Variants in USP30 observed in about 807,000 individuals in gnomAD.
The protein encoded by USP30 is ubiquitin carboxyl-terminal hydrolase 30.
In USP30, 41 loss-of-function variants were observed where a neutral mutation model predicts 68.2. The ratio of observed to expected loss-of-function variants is 0.60; its 90% CI spans 0.47 to 0.78. USP30 has a LOEUF of 0.78. Ranked by LOEUF, USP30 falls within the 30% of genes least tolerant of loss-of-function variation. USP30 has a pLI of 0.00. For missense variants in USP30, 522 were observed against 649.4 expected, an observed-to-expected ratio of 0.80 and a Z score of 2.13; for synonymous variants, 229 against 253.7, an observed-to-expected ratio of 0.90 and a Z score of 0.93.
chr12:109,075,125 T>A (rs1430271864), intron 7 of USP30, among the ~76,000 whole-genome samples: 1 of 152,250 alleles, frequency 6.6e-6, no homozygotes, highest in East Asian at 1.9e-4. Context: ...ACATTCCATA[T>A]CTTGGCTATT....
intron 7 of USP30, among the ~76,000 whole-genome samples, chr12:109,080,366 C>G (rs2135815321): frequency 1.3e-5 from 2 of 152,312 alleles, no homozygotes; most frequent in East Asian, 3.9e-4. Flanking sequence ...GTTTTTCCAA[C>G]AGTTGACTTC....
chr12:109,082,190 T>C (rs183835593), intron 9 of USP30, among the ~76,000 whole-genome samples, 171 bp downstream of exon 9: 2 of 152,352 alleles, frequency 1.3e-5, no homozygotes, highest in East Asian at 3.9e-4. Context: ...CAAATCTCTT[T>C]CCCAGATGAG....
chr12:109,070,479 C>T lies in USP30; in HGVS notation c.481-1133C>T, dbSNP rs2041404251. ...TAAGCTGGATATGTTCAAGGAACAG[C>T]AAAGAGGCCAGGGGCCGGGACATTG... On this transcript the variant is annotated intron_variant, in intron 4 of 12. Transcript: ENST00000257548. The surrounding 1 kb of genome is among the most constrained non-coding windows in gnomAD (Gnocchi z 4.0). 6.6e-6 allele frequency among the ~76,000 whole-genome samples: 1 copy of T among 152,102 alleles called. No individual in the cohort carries two copies. The highest frequency in any genetic ancestry group is 6.5e-5 in the Admixed American group (1 of 15,272).
In USP30 at chr12:109,030,485, T is replaced by A. The variant is rs375914739; in HGVS notation, c.-136+2929T>A. On this transcript the variant is annotated intron_variant, in intron 3 of 15. Transcript: ENST00000392784. ...TCAAGGTGTACAAAGTTTCTTTCAT[T>A]TATACAAGATGAATAAATTCTGGAG... 2.8e-4 allele frequency among the ~76,000 whole-genome samples: 42 copies of A among 152,320 alleles called. No homozygotes were observed. The South Asian group carries it at 8.1e-3, about 29-fold the overall frequency.
In USP30 at chr12:109,085,789, A is replaced by G. The variant is rs78909524; in HGVS notation, c.1412A>G (p.Asn471Ser). 3.2e-4 allele frequency: 520 copies of G among 1,614,162 alleles called. 4 individuals are homozygous for G. In the East Asian group the frequency reaches 6.5e-3, roughly 20 times the overall value. Reference protein sequence around the residue: ...PSARNPLSTSNQWLWVSDDTV... With the variant: ...PSARNPLSTSSQWLWVSDDTV... ...GCCAGGAACCCTCTCTCAACTAGCA[A>G]TCAGTGGCTGTGGGTCTCCGATGAC... is the stretch of plus-strand genomic sequence containing the variant. The change falls in exon 13 of 13, where the codon AAT becomes AGT. Residue 471 changes from asparagine to serine, a missense_variant. Physicochemically the swap from Asn to Ser is conservative, Grantham distance 46. Transcript: ENST00000257548.
At chr12:109,060,743 C>G (rs1340117946) in intron 3 of USP30, among the ~76,000 whole-genome samples, 1 of 152,112 alleles carries the variant, frequency 6.6e-6, no homozygotes, top group Admixed American at 6.6e-5. Flanking sequence ...CAACCTCTGC[C>G]TCCCAGGTTC....
intron 1 of USP30, among the ~76,000 whole-genome samples, chr12:109,024,047 C>G (rs1406276020): frequency 6.6e-6 from 1 of 152,154 alleles, no homozygotes; most frequent in East Asian, 1.9e-4. Flanking sequence ...CCTGGGGACT[C>G]TCTTCCCAGC....
intron 7 of USP30, among the ~76,000 whole-genome samples, chr12:109,079,769 A>G (rs1016145167): frequency 6.6e-6 from 1 of 152,052 alleles, no homozygotes; most frequent in Admixed American, 6.5e-5. Context: ...TCTTTTTAAT[A>G]GTTTCCATTG....
At chr12:109,081,623 G>GCACACACACACACA in intron 8 of USP30, 2 of 499,554 alleles carry the variant, frequency 4.0e-6, no homozygotes, top group East Asian at 7.0e-5. Context: ...ACGCATGCGC[G>GCACACACACACACA]CACACACACA....
chr12:109,031,521 C>G (rs1363488123), intron 3 of USP30, among the ~76,000 whole-genome samples: 1 of 152,164 alleles, frequency 6.6e-6, no homozygotes, highest in Non-Finnish European at 1.5e-5. Flanking sequence ...GAATTAAAAA[C>G]AGGGACTCAA....
intron 7 of USP30, among the ~76,000 whole-genome samples, chr12:109,079,046 G>A (rs1279961608): frequency 2.6e-5 from 4 of 151,988 alleles, no homozygotes; most frequent in African/African-American, 4.8e-5. Context: ...TTCATGCTGC[G>A]CATAGATGTG....
intron 3 of USP30, among the ~76,000 whole-genome samples, chr12:109,064,813 A>G (rs892282335): frequency 2.0e-5 from 3 of 151,500 alleles, no homozygotes; most frequent in African/African-American, 4.9e-5. Flanking sequence ...ATTGCCCCAT[A>G]GTATTTTAGA....
intron 1 of USP30, 44 bp downstream of exon 1, chr12:109,052,805 G>T (rs765393610): frequency 2.1e-6 from 3 of 1,413,824 alleles, no homozygotes; most frequent in Admixed American, 6.0e-5. Context: ...CCGGGACCAG[G>T]GTCCCCAGCT....
Position 109,056,782 on chromosome 12 carries a change from C to T in USP30, c.184C>T (p.Arg62Cys), listed in dbSNP as rs755482392. The change falls in exon 2 of 13, where the codon CGT becomes TGT. Residue 62 changes from arginine to cysteine, a missense_variant. Transcript: ENST00000257548. Reference sequence around the variant, plus strand: ...GGGTCCCATTACAGAAAGAAAGAAGCGTAGAAAAGGTAAGAATGAGAACAC... The same window carrying T: ...GGGTCCCATTACAGAAAGAAAGAAGTGTAGAAAAGGTAAGAATGAGAACAC... ...IWGPITERKK[R>C]RKGLVPGLVN... 2.5e-6 allele frequency: 4 copies of T among 1,607,868 alleles called. No homozygotes were observed. Among genetic ancestry groups the T allele is most frequent in the Non-Finnish European group, 3.4e-6 (4 of 1,177,680 alleles).
chr12:109,071,490 CT>C lies in USP30; in HGVS notation c.481-120del. On this transcript the variant is annotated intron_variant, in intron 4 of 12. Coordinates refer to ENST00000257548, the MANE Select transcript of USP30 (RefSeq NM_032663.5). ...AACTGTTTTCTTTAATGAGCTGGGCCTTGAGAAGGTAGAAAGCAAATTCTAC... is the reference window on the plus strand; with the variant it reads ...AACTGTTTTCTTTAATGAGCTGGGCCTGAGAAGGTAGAAAGCAAATTCTAC... 5 of 730,308 alleles carry C rather than the reference CT, an allele frequency of 6.8e-6. No individual in the cohort carries two copies. The East Asian group carries it at 1.3e-4, about 18-fold the overall frequency. 45.2% of individuals were successfully genotyped at this position (730,308 alleles called of 1,614,324 possible).
intron 3 of USP30, among the ~76,000 whole-genome samples, chr12:109,041,512 G>T (rs1182758914): frequency 6.6e-6 from 1 of 152,026 alleles, no homozygotes; most frequent in Non-Finnish European, 1.5e-5. Context: ...GTGCGTGCCT[G>T]TTGTCCCACC....
chr12:109,067,763 T>A, intron 4 of USP30, 136 bp downstream of exon 4: 1 of 687,144 alleles, frequency 1.5e-6, no homozygotes, highest in Non-Finnish European at 2.4e-6. Flanking sequence ...GGGACCAGAG[T>A]ACCAACTTTG....
intron 3 of USP30, among the ~76,000 whole-genome samples, chr12:109,040,015 A>G (rs1017441989): frequency 6.6e-6 from 1 of 152,236 alleles, no homozygotes; most frequent in Non-Finnish European, 1.5e-5. Flanking sequence ...AATATTTATC[A>G]CATTTTAATT....
chr12:109,083,516 C>T (rs931316822), intron 11 of USP30, among the ~76,000 whole-genome samples: 2 of 152,072 alleles, frequency 1.3e-5, no homozygotes, highest in African/African-American at 4.8e-5. Context: ...TCCATTACTG[C>T]CCTCAGCTGA....
Sources: allele counts gnomAD v4.1 joint callset (sites outside exome capture counted in the v4.1 genomes callset), GRCh38; gene constraint gnomAD v4.1.1; non-coding constraint Gnocchi (gnomAD v3.1); transcripts MANE v1.5; gene names NCBI Gene and HGNC (gene_info 2026-07-23, HGNC 2026-07-21).